PLXDC2: variants seen among roughly 807,000 people sequenced by gnomAD.
PLXDC2 encodes the protein plexin domain-containing protein 2.
Under a neutral mutation model 68.9 loss-of-function variants are expected in PLXDC2, and 40 were observed. The observed-to-expected ratio is 0.58, with a 90% CI of 0.45 to 0.76. PLXDC2 has a LOEUF of 0.76. Ranked by LOEUF, PLXDC2 falls within the 30% of genes least tolerant of loss-of-function variation. The pLI is 0.00. For missense variants in PLXDC2, 644 were observed against 661.9 expected (o/e 0.97, Z 0.30); for synonymous variants, 243 against 234.2 (o/e 1.04, Z -0.34).
intron 1 of PLXDC2, among the ~76,000 whole-genome samples, chr10:19,863,156 C>T (rs144938234): frequency 3.4e-4 from 52 of 152,248 alleles, no homozygotes; most frequent in African/African-American, 6.7e-4. Context: ...TTAATGGCAT[C>T]GGAGAAACTA....
At chr10:20,087,845 A>G (rs919677877) in intron 4 of PLXDC2, among the ~76,000 whole-genome samples, 1 of 152,032 alleles carries the variant, frequency 6.6e-6, no homozygotes, top group East Asian at 1.9e-4. Flanking sequence ...GAATTTTTTT[A>G]TTAATAATTT....
At chr10:19,973,014 G>A (rs985070178) in intron 1 of PLXDC2, among the ~76,000 whole-genome samples, 4 of 152,028 alleles carry the variant, frequency 2.6e-5, no homozygotes, top group East Asian at 1.9e-4. Flanking sequence ...TATGGTGGAA[G>A]CAATACAATA....
At chr10:20,230,782 A>G (rs1379821978) in intron 12 of PLXDC2, among the ~76,000 whole-genome samples, 1 of 150,822 alleles carries the variant, frequency 6.6e-6, no homozygotes, top group East Asian at 1.9e-4. Flanking sequence ...AAAAAAAATT[A>G]AGAAGGATAT....
chr10:20,073,023 G>A (rs1202441276), intron 4 of PLXDC2, among the ~76,000 whole-genome samples: 2 of 152,174 alleles, frequency 1.3e-5, no homozygotes, highest in African/African-American at 4.8e-5. Flanking sequence ...CCACAAGTCA[G>A]GTTAAATAAA....
intron 1 of PLXDC2, among the ~76,000 whole-genome samples, chr10:19,855,912 C>A (rs1837202709): frequency 6.6e-6 from 1 of 151,986 alleles, no homozygotes; most frequent in Non-Finnish European, 1.5e-5. Context: ...GGTGAAATCC[C>A]ATCTGTACTA....
intron 1 of PLXDC2, among the ~76,000 whole-genome samples, chr10:19,963,585 G>A (rs1053141226): frequency 6.6e-6 from 1 of 152,062 alleles, no homozygotes; most frequent in African/African-American, 2.4e-5. Context: ...ACTATCGCAA[G>A]GCCAAAAAAC....
chr10:19,938,563 A>G (rs1483974672), intron 1 of PLXDC2, among the ~76,000 whole-genome samples: 1 of 152,124 alleles, frequency 6.6e-6, no homozygotes, highest in African/African-American at 2.4e-5. Context: ...CTCACTCACC[A>G]TCATGAGAAC....
At chr10:19,976,981 C>T (rs1050857512) in intron 1 of PLXDC2, among the ~76,000 whole-genome samples, 1 of 151,168 alleles carries the variant, frequency 6.6e-6, no homozygotes, top group Non-Finnish European at 1.5e-5. Flanking sequence ...AAATTCTGTT[C>T]TTATTTCATG....
rs573761441 is a variant in PLXDC2, at chr10:19,850,552, G to A, written c.112+33361G>A. On this transcript the variant is annotated intron_variant, in intron 1 of 13. Coordinates refer to ENST00000377252, the MANE Select transcript of PLXDC2 (RefSeq NM_032812.9). Reference sequence around the variant, plus strand: ...TAGTATCTCATGAACGTTTCATCACGAGAGACCCAACTAATCGTCTAATTG... The same window carrying A: ...TAGTATCTCATGAACGTTTCATCACAAGAGACCCAACTAATCGTCTAATTG... Among the ~76,000 whole-genome samples the A allele has an allele frequency of 5.9e-5, 9 of 152,116 alleles. 1 individual carries two copies. The highest frequency in any genetic ancestry group is 3.3e-4 in the Admixed American group (5 of 15,264).
intron 4 of PLXDC2, among the ~76,000 whole-genome samples, chr10:20,123,348 G>A (rs1306174286): frequency 6.6e-6 from 1 of 152,120 alleles, no homozygotes; most frequent in Non-Finnish European, 1.5e-5. Context: ...AGTTGCATTG[G>A]GAACAGAGAC....
At chr10:19,824,824 C>T (rs1374056599) in intron 1 of PLXDC2, among the ~76,000 whole-genome samples, 1 of 152,132 alleles carries the variant, frequency 6.6e-6, no homozygotes, top group Non-Finnish European at 1.5e-5. Context: ...TTTTATTTTC[C>T]TCTTTTTAAT....
intron 1 of PLXDC2, among the ~76,000 whole-genome samples, chr10:19,944,927 G>C (rs1833876584): frequency 6.6e-6 from 1 of 152,146 alleles, no homozygotes; most frequent in Non-Finnish European, 1.5e-5. Context: ...ACTCCAGCCG[G>C]GGCAACAAGA....
chr10:19,942,728 C>T (rs893123978), intron 1 of PLXDC2, among the ~76,000 whole-genome samples: 2 of 152,172 alleles, frequency 1.3e-5, no homozygotes, highest in Non-Finnish European at 2.9e-5. Flanking sequence ...GATGGCACCA[C>T]TGTACTCCAA....
At position 20,280,143 on chromosome 10, in the gene PLXDC2, G is replaced by A. The variant is rs1043170957; in HGVS notation, c.*324G>A. ...TTGGCTTAGGTGCAGGGTTGCAAAG[G>A]GATCAGAAAAAAAAAATCATAATAA... On this transcript the variant is annotated 3_prime_UTR_variant, in exon 14 of 14. Transcript: ENST00000377252. 2.8e-5 allele frequency: 6 copies of A among 216,948 alleles called. No homozygotes were observed. The highest frequency in any genetic ancestry group is 5.4e-5 in the Non-Finnish European group (6 of 110,702). 13.4% of individuals were successfully genotyped at this position (216,948 alleles called of 1,614,324 possible). A position where few individuals can be genotyped will look rare whatever the true frequency, so the allele number is the denominator to read the frequency against.
intron 1 of PLXDC2, among the ~76,000 whole-genome samples, chr10:19,999,964 C>T (rs1053944865): frequency 6.6e-6 from 1 of 152,114 alleles, no homozygotes; most frequent in Non-Finnish European, 1.5e-5. Flanking sequence ...ACCAGCAAAC[C>T]TACTAGACAG....
At chr10:19,956,363 A>C (rs1048003574) in intron 1 of PLXDC2, among the ~76,000 whole-genome samples, 3 of 152,222 alleles carry the variant, frequency 2.0e-5, no homozygotes, top group South Asian at 2.1e-4. Context: ...TGTTAAAATG[A>C]AAACATTTTG....
intron 2 of PLXDC2, among the ~76,000 whole-genome samples, chr10:20,005,641 G>A (rs907565431): frequency 2.6e-5 from 4 of 152,034 alleles, no homozygotes; most frequent in Non-Finnish European, 2.9e-5. Flanking sequence ...GGGAGCAGGC[G>A]TGTCACATGA....
intron 3 of PLXDC2, among the ~76,000 whole-genome samples, chr10:20,055,355 A>T (rs1835979077): frequency 6.6e-6 from 1 of 152,108 alleles, no homozygotes; most frequent in South Asian, 2.1e-4. Flanking sequence ...GGGATAAGTA[A>T]ATTTAGCTGT....
intron 12 of PLXDC2, among the ~76,000 whole-genome samples, chr10:20,242,904 T>A (rs1016383979): frequency 2.0e-5 from 3 of 151,858 alleles, no homozygotes; most frequent in African/African-American, 7.3e-5. Context: ...AGAGACAGGG[T>A]TTCTGCCATG....
Sources: allele counts gnomAD v4.1 joint callset (sites outside exome capture counted in the v4.1 genomes callset), GRCh38; gene constraint gnomAD v4.1.1; transcripts MANE v1.5; gene names NCBI Gene and HGNC (gene_info 2026-07-23, HGNC 2026-07-21).